MAGI1: variants seen among roughly 807,000 people sequenced by gnomAD.
MAGI1 encodes the protein membrane associated guanylate kinase, WW and PDZ domain containing 1.
MAGI1 carries 58 observed loss-of-function variants against 139.9 expected under a neutral mutation model. The observed-to-expected ratio is 0.41, with a 90% confidence interval of 0.34 to 0.52. MAGI1 has a LOEUF of 0.52. Among genes scored for constraint, MAGI1 ranks in the 20% least tolerant of loss-of-function variants. The probability of loss-of-function intolerance (pLI) is 0.12; values close to 1 mark genes in which losing one functional copy is unlikely to be tolerated. For synonymous variants in MAGI1, 812 were observed against 737.9 expected, an observed-to-expected ratio of 1.10 and a Z score of -1.63; for missense variants, 1,874 against 1,901.6, an observed-to-expected ratio of 0.99 and a Z score of 0.27.
At chr3:65,401,372 TCCCACCTCCAGCC>T in intron 13 of MAGI1, 54 bp downstream of exon 13, 2 of 778,312 alleles carry the variant, frequency 2.6e-6, no homozygotes, top group Non-Finnish European at 4.2e-6. Context: ...CAGAGTACCC[TCCCACCTCCAGCC>T]CCCCACCATC....
chr3:65,682,332 T>C (rs951243226), intron 1 of MAGI1, among the ~76,000 whole-genome samples: 5 of 152,102 alleles, frequency 3.3e-5, no homozygotes, highest in South Asian at 2.1e-4. Context: ...CATTTAACCA[T>C]AGTAATCAAG....
intron 1 of MAGI1, among the ~76,000 whole-genome samples, chr3:65,875,569 T>C (rs1039818503): frequency 5.9e-5 from 9 of 152,218 alleles, no homozygotes; most frequent in African/African-American, 1.4e-4. Flanking sequence ...GATCTATTTG[T>C]AGCTCTGCCT....
At chr3:65,969,761 A>G (rs2064935901) in intron 1 of MAGI1, among the ~76,000 whole-genome samples, 1 of 152,244 alleles carries the variant, frequency 6.6e-6, no homozygotes, top group Non-Finnish European at 1.5e-5. Flanking sequence ...CACTAGCCAT[A>G]TGGGGCTATT....
intron 1 of MAGI1, among the ~76,000 whole-genome samples, chr3:65,884,795 C>T (rs1471840125): frequency 1.3e-5 from 2 of 152,026 alleles, no homozygotes; most frequent in Non-Finnish European, 2.9e-5. Flanking sequence ...ACGTTAGTTC[C>T]CACTTATAAA....
At chr3:65,901,353 G>A (rs1280105172) in intron 1 of MAGI1, among the ~76,000 whole-genome samples, 1 of 152,212 alleles carries the variant, frequency 6.6e-6, no homozygotes, top group East Asian at 1.9e-4. Flanking sequence ...GTTCATCCTC[G>A]GTGGAAGGGT....
intron 2 of MAGI1, chr3:65,549,513 G>C: frequency 1.0e-6 from 1 of 984,184 alleles, no homozygotes; most frequent in Non-Finnish European, 1.2e-6. Context: ...GCGGCCCGGC[G>C]GCAGCTGCTC....
chr3:66,016,316 AG>A (rs2067633704), intron 1 of MAGI1, among the ~76,000 whole-genome samples: 1 of 152,186 alleles, frequency 6.6e-6, no homozygotes, highest in African/African-American at 2.4e-5. Flanking sequence ...ACTTCACAGA[AG>A]TAAAAACATG....
intron 1 of MAGI1, among the ~76,000 whole-genome samples, chr3:65,803,797 G>C (rs1484463398): frequency 6.6e-6 from 1 of 152,106 alleles, no homozygotes; most frequent in Non-Finnish European, 1.5e-5. Context: ...AGAACATGCA[G>C]TATTGGTGCT....
chr3:65,539,067 CCAT>C (rs1482665281), intron 2 of MAGI1, among the ~76,000 whole-genome samples: 1 of 152,044 alleles, frequency 6.6e-6, no homozygotes, highest in Non-Finnish European at 1.5e-5. Flanking sequence ...ATACCAACTA[CCAT>C]CAAACAGACA....
At chr3:65,357,792 G>A (rs1324521694) in intron 22 of MAGI1, among the ~76,000 whole-genome samples, 1 of 151,992 alleles carries the variant, frequency 6.6e-6, no homozygotes. Context: ...CAGGCAAAGG[G>A]GATTACAGAG....
In MAGI1 at chr3:65,356,607, C is replaced by T. The variant is rs368712377; in HGVS notation, c.4160G>A (p.Arg1387Lys). The T allele has an allele frequency of 1.0e-5, 16 of 1,596,584 alleles. No individual in the cohort carries two copies. The highest frequency in any genetic ancestry group is 9.5e-5 in the African/African-American group (7 of 74,044). Residue 1387 changes from arginine (R) to lysine (K), a missense_variant, in exon 23 of 23, where the codon AGG (arginine) becomes AAG (lysine). Coordinates refer to ENST00000402939, the MANE Select transcript of MAGI1 (RefSeq NM_001033057.2). ...CCTGCGCTCGGGCGAGCCCCCTCTC[C>T]TGCGCTCGGGGGACCTCCTCTGCTC... is the stretch of plus-strand genomic sequence containing the variant. The part of the protein sequence containing the change: ...LLEQRRSPER[R>K]RGGSPERRAK...
At chr3:65,625,728 T>A (rs929229007) in intron 1 of MAGI1, among the ~76,000 whole-genome samples, 1 of 152,156 alleles carries the variant, frequency 6.6e-6, no homozygotes, top group Non-Finnish European at 1.5e-5. Context: ...TACTCTTTTT[T>A]AAAAAAATCC....
At chr3:65,581,944 T>C (rs1011903205) in intron 2 of MAGI1, among the ~76,000 whole-genome samples, 4 of 152,210 alleles carry the variant, frequency 2.6e-5, no homozygotes, top group African/African-American at 7.2e-5. Flanking sequence ...TAGTAGATGT[T>C]TGATAAATAT....
At chr3:65,809,129 C>G (rs921857813) in intron 1 of MAGI1, among the ~76,000 whole-genome samples, 1 of 152,172 alleles carries the variant, frequency 6.6e-6, no homozygotes, top group African/African-American at 2.4e-5. Context: ...TGCATTTACA[C>G]TGAAATACTA....
intron 2 of MAGI1, chr3:65,619,824 T>A (rs1200251761): frequency 3.1e-6 from 3 of 981,264 alleles, no homozygotes; most frequent in Admixed American, 6.2e-5. Context: ...TCCCATTTTA[T>A]GAAGAAAGTG....
intron 2 of MAGI1, among the ~76,000 whole-genome samples, chr3:65,519,377 CACACACACAT>C (rs769994076): frequency 0.073 from 3,017 of 41,604 alleles, 55 homozygotes; most frequent in South Asian, 0.2. Flanking sequence ...CACACACACA[CACACACACAT>C]ATATATAATT....
intron 1 of MAGI1, among the ~76,000 whole-genome samples, chr3:65,634,710 T>C (rs1056500256): frequency 2.6e-5 from 4 of 152,204 alleles, no homozygotes; most frequent in Non-Finnish European, 4.4e-5. Context: ...GTGTGTAAGC[T>C]TGATTAGATC....
At chr3:65,828,980 G>A (rs1052514967) in intron 1 of MAGI1, among the ~76,000 whole-genome samples, 3 of 152,136 alleles carry the variant, frequency 2.0e-5, no homozygotes, top group Non-Finnish European at 2.9e-5. Flanking sequence ...AGAAAAAGGG[G>A]ATCTTGGTAC....
chr3:65,521,501 A>C (rs1340749866), intron 2 of MAGI1, among the ~76,000 whole-genome samples: 1 of 152,234 alleles, frequency 6.6e-6, no homozygotes, highest in Non-Finnish European at 1.5e-5. Flanking sequence ...ACATGCCATT[A>C]GTTTATGAAA....
Sources: gnomAD v4.1 joint callset for allele counts (sites outside exome capture counted in the v4.1 genomes callset) on GRCh38, gnomAD v4.1.1 for gene constraint, MANE v1.5 for transcripts, NCBI Gene and HGNC (gene_info 2026-07-23, HGNC 2026-07-21) for gene names.